JAK1: variants seen among roughly 807,000 people sequenced by gnomAD.
The protein encoded by JAK1 is tyrosine-protein kinase JAK1.
JAK1 carries 16 observed loss-of-function variants against 136.6 expected under a neutral mutation model. That is an observed-to-expected ratio of 0.12 (90% confidence interval 0.08 to 0.18). JAK1 has a LOEUF of 0.18. Ranked by LOEUF, JAK1 falls within the 10% of genes least tolerant of loss-of-function variation. The pLI, the probability that JAK1 is intolerant of heterozygous loss-of-function variation, is 1.00. For missense variants in JAK1, 859 were observed against 1,450.1 expected (o/e 0.59, Z 6.62); for synonymous variants, 492 against 519.5 (o/e 0.95, Z 0.72).
chr1:65,016,589 T>G (rs949780380), intron 2 of JAK1, among the ~76,000 whole-genome samples: 2 of 150,864 alleles, frequency 1.3e-5, no homozygotes, highest in Non-Finnish European at 3.0e-5. Context: ...GGCAACAGAA[T>G]AGGACCCTGT....
intron 2 of JAK1, among the ~76,000 whole-genome samples, chr1:65,033,199 G>C (rs1252066467): frequency 2.6e-5 from 4 of 152,170 alleles, no homozygotes; most frequent in Non-Finnish European, 5.9e-5. Flanking sequence ...TTTAGAGACA[G>C]ACTCTTGTGC....
intron 2 of JAK1, chr1:64,986,139 CT>C (rs1316407125): frequency 3.0e-5 from 18 of 595,142 alleles, no homozygotes; most frequent in Middle Eastern, 6.0e-4. Flanking sequence ...GAGTTTCACT[CT>C]TGTTGCTCAG....
chr1:64,856,476 T>G (rs974950623), intron 10 of JAK1, among the ~76,000 whole-genome samples: 2 of 152,098 alleles, frequency 1.3e-5, no homozygotes, highest in Admixed American at 1.3e-4. Context: ...TGGGCCACAG[T>G]GTGCGGTGGA....
At chr1:65,062,901 G>T (rs1312123997) in intron 1 of JAK1, among the ~76,000 whole-genome samples, 1 of 152,186 alleles carries the variant, frequency 6.6e-6, no homozygotes, top group Non-Finnish European at 1.5e-5. Context: ...ACAAGAGTAT[G>T]TTTAATTCCA....
At chr1:64,922,784 A>C (rs769625637) in intron 1 of JAK1, among the ~76,000 whole-genome samples, 3 of 152,162 alleles carry the variant, frequency 2.0e-5, no homozygotes, top group South Asian at 4.1e-4. Context: ...TAGAGCAAAA[A>C]TATCAAAAAG....
At chr1:64,952,842 C>A (rs542878053) in intron 1 of JAK1, among the ~76,000 whole-genome samples, 1 of 152,184 alleles carries the variant, frequency 6.6e-6, no homozygotes, top group African/African-American at 2.4e-5. Flanking sequence ...CACACACATA[C>A]ATAAACACAC....
At chr1:64,837,130 C>T (rs1445035133) in intron 22 of JAK1, among the ~76,000 whole-genome samples, 3 of 152,212 alleles carry the variant, frequency 2.0e-5, no homozygotes, top group Non-Finnish European at 1.5e-5. Context: ...GAAAACCAAG[C>T]CCGAACCCTT....
intron 2 of JAK1, among the ~76,000 whole-genome samples, chr1:65,029,887 A>G (rs1288433788): frequency 6.6e-6 from 1 of 152,164 alleles, no homozygotes; most frequent in African/African-American, 2.4e-5. Context: ...TCTGTACAAC[A>G]AACCCCACAA....
At chr1:64,923,142 C>T (rs901763215) in intron 1 of JAK1, among the ~76,000 whole-genome samples, 5 of 152,152 alleles carry the variant, frequency 3.3e-5, no homozygotes, top group African/African-American at 1.2e-4. Flanking sequence ...CCCAATCCAA[C>T]CTCCTCCTCC....
chr1:64,937,260 G>A (rs190365935), intron 1 of JAK1, among the ~76,000 whole-genome samples: 1 of 152,098 alleles, frequency 6.6e-6, no homozygotes, highest in Non-Finnish European at 1.5e-5. Flanking sequence ...AGTCTCCAGA[G>A]GCATAAGCTC....
chr1:64,918,743 C>G (rs1343068188), intron 1 of JAK1: 1 of 162,720 alleles, frequency 6.1e-6, no homozygotes, highest in Non-Finnish European at 1.4e-5. Context: ...GCTAGCTGCA[C>G]TATTTTCCAC....
intron 13 of JAK1, 71 bp downstream of exon 13, chr1:64,847,461 T>G: frequency 1.3e-6 from 2 of 1,570,690 alleles, no homozygotes; most frequent in South Asian, 2.2e-5. Flanking sequence ...AGGGTTCTTC[T>G]CAACCCATTG....
At chr1:65,023,719 A>C (rs1646955088) in intron 2 of JAK1, among the ~76,000 whole-genome samples, 1 of 152,070 alleles carries the variant, frequency 6.6e-6, no homozygotes, top group East Asian at 1.9e-4. Flanking sequence ...TCCTGACTTC[A>C]TGATCCACAC....
At chr1:64,858,081 T>A (rs1218179245) in intron 9 of JAK1, among the ~76,000 whole-genome samples, 1 of 152,160 alleles carries the variant, frequency 6.6e-6, no homozygotes, top group Non-Finnish European at 1.5e-5. Context: ...CAGAAGAGCC[T>A]CTCTGGAGGC....
intron 2 of JAK1, among the ~76,000 whole-genome samples, chr1:65,009,430 A>T (rs1283161950): frequency 6.6e-6 from 1 of 152,232 alleles, no homozygotes; most frequent in Non-Finnish European, 1.5e-5. Flanking sequence ...ATTTTATGAC[A>T]TATGTTACAT....
rs565184832 is a variant in JAK1, at chr1:64,901,407, A to G, written c.-77-15066T>C. Among the ~76,000 whole-genome samples the G allele has an allele frequency of 3.3e-5, 5 of 152,326 alleles. 1 individual carries two copies. Among genetic ancestry groups the G allele is most frequent in the African/African-American group, 1.2e-4 (5 of 41,580 alleles). On this transcript the variant is annotated intron_variant, in intron 1 of 24. Transcript: ENST00000342505. ...CATCATGGTACCCACGAAGAAGCCC[A>G]CATGCTTACTCTTCTTTCTAATGGA...
chr1:64,996,120 T>C (rs1465398836), intron 2 of JAK1, among the ~76,000 whole-genome samples: 1 of 152,170 alleles, frequency 6.6e-6, no homozygotes, highest in Non-Finnish European at 1.5e-5. Context: ...AACATAATGC[T>C]TGGTTAAAAT....
chr1:64,846,569 TG>T, intron 14 of JAK1, 79 bp downstream of exon 14: 1 of 1,007,476 alleles, frequency 9.9e-7, no homozygotes. Flanking sequence ...AACGTGAGGG[TG>T]GGAAGAGCCT....
chr1:64,996,795 A>G (rs1427430378), intron 2 of JAK1, among the ~76,000 whole-genome samples: 1 of 152,252 alleles, frequency 6.6e-6, no homozygotes, highest in African/African-American at 2.4e-5. Context: ...ATTTTTAGAC[A>G]TCAGCTCAAG....
Sources: gnomAD v4.1 joint callset for allele counts (sites outside exome capture counted in the v4.1 genomes callset) on GRCh38, gnomAD v4.1.1 for gene constraint, MANE v1.5 for transcripts, NCBI Gene and HGNC (gene_info 2026-07-23, HGNC 2026-07-21) for gene names.